The following KSR1 variants were observed in gnomAD, a reference collection of about 807,000 sequenced individuals.
The protein encoded by KSR1 is kinase suppressor of ras 1.
A neutral mutation model predicts 92.9 loss-of-function variants in KSR1; 35 were observed. That is an observed-to-expected ratio of 0.38 (90% confidence interval 0.29 to 0.50). KSR1 has a LOEUF of 0.50. Ranked by LOEUF, KSR1 falls within the 20% of genes least tolerant of loss-of-function variation. The pLI is 0.94. For synonymous variants in KSR1, 467 were observed against 472.6 expected (o/e 0.99, Z 0.15); for missense variants, 972 against 1,158.5 (o/e 0.84, Z 2.34).
At chr17:27,551,200 A>G (rs2071385778) in intron 2 of KSR1, among the ~76,000 whole-genome samples, 1 of 152,202 alleles carries the variant, frequency 6.6e-6, no homozygotes, top group Admixed American at 6.5e-5. Flanking sequence ...ATTTAGTTTA[A>G]TCTTCTGACT....
At chr17:27,602,016 C>A in intron 11 of KSR1, 2 of 1,185,674 alleles carry the variant, frequency 1.7e-6, no homozygotes, top group South Asian at 1.3e-5. Flanking sequence ...TACTATGTAC[C>A]AACCTTTTCA....
intron 1 of KSR1, among the ~76,000 whole-genome samples, chr17:27,511,126 AAAAAGTG>A (rs1160396614): frequency 6.6e-6 from 1 of 152,224 alleles, no homozygotes; most frequent in Non-Finnish European, 1.5e-5. Flanking sequence ...TTTCTTAGGA[AAAAAGTG>A]AGAAGGGTGA....
intron 1 of KSR1, among the ~76,000 whole-genome samples, chr17:27,461,802 T>C (rs1373124506): frequency 1.5e-5 from 2 of 134,516 alleles, no homozygotes; most frequent in Non-Finnish European, 3.4e-5. Flanking sequence ...TTTCCTCTTC[T>C]TGGAGTGGTC....
intron 1 of KSR1, among the ~76,000 whole-genome samples, chr17:27,503,863 C>CA (rs2069280432): frequency 1.3e-5 from 2 of 152,168 alleles, no homozygotes; most frequent in Non-Finnish European, 2.9e-5. Flanking sequence ...CTAGTCAACT[C>CA]ACGATGAACA....
intron 2 of KSR1, among the ~76,000 whole-genome samples, chr17:27,565,668 A>G (rs2103052): frequency 0.58 from 87,899 of 151,978 alleles, 25,595 homozygotes; most frequent in Admixed American, 0.68. Context: ...CAAGCAGTCC[A>G]CCTGCCTCAG....
chr17:27,487,308 G>A (rs1042238560), intron 1 of KSR1, among the ~76,000 whole-genome samples: 1 of 152,018 alleles, frequency 6.6e-6, no homozygotes, highest in African/African-American at 2.4e-5. Context: ...GATAGCGCAC[G>A]TCTGTAATCC....
chr17:27,516,699 T>C (rs555370442), intron 1 of KSR1, among the ~76,000 whole-genome samples: 2 of 152,370 alleles, frequency 1.3e-5, no homozygotes, highest in African/African-American at 4.8e-5. Flanking sequence ...TTTTGCTCTA[T>C]AGCCTGCTTT....
intron 3 of KSR1, among the ~76,000 whole-genome samples, chr17:27,580,862 G>GTTC (rs2072725367): frequency 6.6e-6 from 1 of 152,124 alleles, no homozygotes. Flanking sequence ...TGCCTCCCGG[G>GTTC]TTCAAGCGAT....
chr17:27,489,771 C>A (rs2068767040), intron 1 of KSR1, among the ~76,000 whole-genome samples: 1 of 144,564 alleles, frequency 6.9e-6, no homozygotes, highest in Non-Finnish European at 1.5e-5. Context: ...GAAATGAGAC[C>A]AGATCTGCCC....
chr17:27,606,988 C>T (rs1318142169), intron 14 of KSR1, among the ~76,000 whole-genome samples: 6 of 152,070 alleles, frequency 3.9e-5, no homozygotes, highest in South Asian at 2.1e-4. Context: ...TGTGCCACCA[C>T]GCCTCGCTAA....
rs1383614066 is a variant in KSR1, at chr17:27,577,269, C to T, written c.373-223C>T. On this transcript the variant is annotated intron_variant, in intron 2 of 20. Transcript: ENST00000644974. The surrounding 1 kb of genome is among the most constrained non-coding windows in gnomAD (Gnocchi z 4.5). ...AACCTTTCTGGTCTTTACTTCCTCC[C>T]CTCACCCCCCACCGAGTCTGCTTCA... 6.6e-6 allele frequency among the ~76,000 whole-genome samples: 1 copy of T among 152,098 alleles called. No individual in the cohort carries two copies. The highest frequency in any genetic ancestry group is 1.5e-5 in the Non-Finnish European group (1 of 68,020).
chr17:27,457,437 C>T (rs544171591), intron 1 of KSR1, among the ~76,000 whole-genome samples: 1 of 152,290 alleles, frequency 6.6e-6, no homozygotes, highest in African/African-American at 2.4e-5. Context: ...GCTTTCCTTT[C>T]ACGTTGCCAC....
At chr17:27,491,783 G>T (rs1440171027) in intron 1 of KSR1, among the ~76,000 whole-genome samples, 2 of 152,156 alleles carry the variant, frequency 1.3e-5, no homozygotes, top group African/African-American at 4.8e-5. Context: ...GGAAGTGGCC[G>T]GCTGTTTAGT....
intron 1 of KSR1, among the ~76,000 whole-genome samples, chr17:27,535,757 A>G (rs1401946865): frequency 2.0e-5 from 3 of 152,218 alleles, no homozygotes; most frequent in South Asian, 2.1e-4. Flanking sequence ...CAGCTGTGTC[A>G]TATTGTTTTG....
chr17:27,597,486 C>A, intron 10 of KSR1, 50 bp downstream of exon 10: 1 of 1,532,466 alleles, frequency 6.5e-7, no homozygotes, highest in Non-Finnish European at 8.8e-7. Flanking sequence ...AGTCAGATCC[C>A]CTTCTCAGCA....
chr17:27,581,484 C>T (rs1035736000), intron 3 of KSR1, among the ~76,000 whole-genome samples: 6 of 152,062 alleles, frequency 3.9e-5, no homozygotes, highest in Non-Finnish European at 8.8e-5. Context: ...CAGAAGGTGC[C>T]GTATGCCCTT....
At chr17:27,609,865 A>C (rs2073866536) in intron 16 of KSR1, 1 of 551,124 alleles carries the variant, frequency 1.8e-6, no homozygotes, top group Admixed American at 3.5e-5. Flanking sequence ...CTTTTCTAGA[A>C]ACAACCGGTC....
At position 27,583,245 on chromosome 17, in the gene KSR1, A is replaced by G. The variant is rs1306489275; in HGVS notation, c.980+140A>G. 3 of 631,344 alleles carry G rather than the reference A, an allele frequency of 4.8e-6. No homozygotes were observed. In the East Asian group the frequency reaches 8.4e-5, roughly 18 times the overall value. 39.1% of individuals were successfully genotyped at this position (631,344 alleles called of 1,614,324 possible). ...AAAAGGTGCCCCCATCTTTCAGTCC[A>G]TTCCTCAGACTACTTTAGTGGTGTG... is the stretch of plus-strand genomic sequence containing the variant. On this transcript the variant is annotated intron_variant, in intron 4 of 20. Coordinates refer to ENST00000644974, the MANE Select transcript of KSR1 (RefSeq NM_001394583.1).
rs1446630867 is a variant in KSR1 at position 27,590,898 on chromosome 17, A to G, written c.1130+4A>G. 6.3e-7 allele frequency: 1 copy of G among 1,595,376 alleles called. No homozygotes were observed. Among genetic ancestry groups the G allele is most frequent in the Admixed American group, 1.7e-5 (1 of 59,080 alleles). On this transcript the variant is annotated splice_donor_region_variant and intron_variant, in intron 7 of 20. Transcript: ENST00000644974. ...GAGTGAAGTGCAAGCATTGCAGGTG[A>G]TGGGAAGAGGAGTGGGGGTGGGGGG...
Sources: allele counts gnomAD v4.1 joint callset (sites outside exome capture counted in the v4.1 genomes callset), GRCh38; gene constraint gnomAD v4.1.1; non-coding constraint Gnocchi (gnomAD v3.1); transcripts MANE v1.5; gene names NCBI Gene and HGNC (gene_info 2026-07-23, HGNC 2026-07-21).